The following CDH18 variants were observed in gnomAD, a reference collection of about 807,000 sequenced individuals.
CDH18 encodes the protein cadherin 18, also known as cadherin-18.
In CDH18, 31 loss-of-function variants were observed where a neutral mutation model predicts 67.9. The ratio of observed to expected loss-of-function variants is 0.46; its 90% CI spans 0.34 to 0.62. CDH18 has a LOEUF of 0.62. Among genes scored for constraint, CDH18 ranks in the 20% least tolerant of loss-of-function variants. The probability of loss-of-function intolerance (pLI) is 0.01; values close to 1 mark genes in which losing one functional copy is unlikely to be tolerated. For missense variants in CDH18, 890 were observed against 975.5 expected (o/e 0.91, Z 1.17); for synonymous variants, 362 against 347.2 (o/e 1.04, Z -0.48).
chr5:20,471,835 A>AAAAAAAAAAT (rs1752106312), intron 1 of CDH18, among the ~76,000 whole-genome samples: 1 of 143,680 alleles, frequency 7.0e-6, no homozygotes, highest in Non-Finnish European at 1.5e-5. Flanking sequence ...ATTCAGTCTA[A>AAAAAAAAAAT]AAAAAAAAAA....
intron 2 of CDH18, among the ~76,000 whole-genome samples, chr5:20,248,601 C>T (rs1323691911): frequency 6.6e-6 from 1 of 152,192 alleles, no homozygotes; most frequent in Non-Finnish European, 1.5e-5. Flanking sequence ...CTCAACAACT[C>T]TATCTAGAAA....
chr5:19,715,759 T>C lies in CDH18; in HGVS notation c.643+5588A>G, dbSNP rs146237185. On this transcript the variant is annotated intron_variant, in intron 5 of 12. Transcript: ENST00000382275. ...TTTTTTACTACTTCAGATAAGACTA[T>C]TTCAAATTCTCATAATCATTCAAAA... 3.2e-4 allele frequency among the ~76,000 whole-genome samples: 49 copies of C among 152,146 alleles called. No homozygotes were observed. In the East Asian group the frequency reaches 7.1e-3, roughly 22 times the overall value.
intron 1 of CDH18, among the ~76,000 whole-genome samples, chr5:20,516,502 G>T (rs1335724665): frequency 5.3e-5 from 8 of 151,768 alleles, no homozygotes; most frequent in Non-Finnish European, 1.0e-4. Context: ...CAAATGAGCT[G>T]GTTCTTATAT....
intron 9 of CDH18, among the ~76,000 whole-genome samples, chr5:19,536,117 T>C (rs1749372851): frequency 6.6e-6 from 1 of 152,152 alleles, no homozygotes; most frequent in Non-Finnish European, 1.5e-5. Context: ...CACTAAGTAT[T>C]TGACAATACT....
At chr5:20,039,526 C>T (rs894933594) in intron 2 of CDH18, among the ~76,000 whole-genome samples, 22 of 152,032 alleles carry the variant, frequency 1.4e-4, no homozygotes, top group Admixed American at 3.9e-4. Context: ...ACAACAGAGG[C>T]CTCAGAAATA....
At chr5:19,700,289 C>T (rs548843383) in intron 5 of CDH18, among the ~76,000 whole-genome samples, 1 of 152,242 alleles carries the variant, frequency 6.6e-6, no homozygotes, top group South Asian at 2.1e-4. Context: ...CATATCTAAA[C>T]AACTGAAATA....
At chr5:19,677,318 G>T (rs1759640062) in intron 5 of CDH18, among the ~76,000 whole-genome samples, 1 of 152,004 alleles carries the variant, frequency 6.6e-6, no homozygotes, top group Non-Finnish European at 1.5e-5. Flanking sequence ...AGCCTCATAA[G>T]CTAGGAAGAA....
intron 2 of CDH18, among the ~76,000 whole-genome samples, chr5:19,850,743 T>C (rs893453258): frequency 6.6e-6 from 1 of 151,920 alleles, no homozygotes; most frequent in Non-Finnish European, 1.5e-5. Context: ...TTTAAGGTGT[T>C]ACTAAATTTT....
intron 3 of CDH18, among the ~76,000 whole-genome samples, chr5:19,830,439 C>T (rs1780891499): frequency 6.6e-6 from 1 of 152,036 alleles, no homozygotes; most frequent in African/African-American, 2.4e-5. Flanking sequence ...TGAAAAAACA[C>T]ACAACATCAC....
At chr5:20,189,644 C>G (rs1738383612) in intron 2 of CDH18, among the ~76,000 whole-genome samples, 1 of 152,110 alleles carries the variant, frequency 6.6e-6, no homozygotes, top group Non-Finnish European at 1.5e-5. Context: ...GGTCAAAAAG[C>G]TAGCAGAGGC....
At chr5:19,762,022 G>A (rs973988439) in intron 3 of CDH18, among the ~76,000 whole-genome samples, 4 of 152,126 alleles carry the variant, frequency 2.6e-5, no homozygotes, top group African/African-American at 9.7e-5. Context: ...ATGGTGCTGG[G>A]AAAACTGTCT....
chr5:19,907,647 C>A (rs1579533586), intron 2 of CDH18, among the ~76,000 whole-genome samples: 1 of 151,982 alleles, frequency 6.6e-6, no homozygotes, highest in East Asian at 1.9e-4. Context: ...CCTCATAAGG[C>A]TAATGAAAAT....
intron 5 of CDH18, among the ~76,000 whole-genome samples, chr5:19,700,764 G>C (rs2150475285): frequency 6.6e-6 from 1 of 152,222 alleles, no homozygotes; most frequent in South Asian, 2.1e-4. Flanking sequence ...ATTCCCAGTA[G>C]AAAGGGCTTT....
intron 2 of CDH18, among the ~76,000 whole-genome samples, chr5:19,943,347 A>T (rs940696010): frequency 1.3e-5 from 2 of 152,102 alleles, no homozygotes; most frequent in African/African-American, 4.8e-5. Context: ...TAAGTAATTC[A>T]GTTCTCAAAG....
At chr5:19,575,150 T>A (rs944177196) in intron 7 of CDH18, among the ~76,000 whole-genome samples, 2 of 152,252 alleles carry the variant, frequency 1.3e-5, no homozygotes, top group Non-Finnish European at 2.9e-5. Flanking sequence ...CAGTTACATT[T>A]AAATTTAGGA....
intron 2 of CDH18, among the ~76,000 whole-genome samples, chr5:20,027,232 G>A (rs891251854): frequency 3.3e-5 from 5 of 152,048 alleles, no homozygotes; most frequent in Non-Finnish European, 5.9e-5. Flanking sequence ...TAAACTATGT[G>A]TTTGAATATA....
chr5:20,275,919 G>C (rs1745775963), intron 1 of CDH18, among the ~76,000 whole-genome samples: 1 of 152,100 alleles, frequency 6.6e-6, no homozygotes, highest in African/African-American at 2.4e-5. Context: ...CAGAACTCAT[G>C]GTTGCTCTAT....
chr5:20,185,743 C>A (rs1215858156), intron 2 of CDH18, among the ~76,000 whole-genome samples: 2 of 152,042 alleles, frequency 1.3e-5, no homozygotes, highest in African/African-American at 4.8e-5. Flanking sequence ...TACTTCTCTA[C>A]CTTATATGGC....
rs1351361955 is a variant in CDH18 at position 20,095,444 on chromosome 5, A to AAAGAAAGAAAAG, written c.-517-103431_-517-103430insCTTTTCTTTCTT. On this transcript the variant is annotated intron_variant, in intron 2 of 14. Transcript: ENST00000507958. ...GAAAGAAAGAAAGAAAGAAAGAAAGAAAAGAAAGAAAGAAAGAAGAAAGAA... is the reference window on the plus strand; with the variant it reads ...GAAAGAAAGAAAGAAAGAAAGAAAGAAAGAAAGAAAAGAAAGAAAGAAAGAAAGAAGAAAGAA... Among the ~76,000 whole-genome samples, 201 of 81,894 alleles carry AAAGAAAGAAAAG rather than the reference A, an allele frequency of 2.5e-3. 4 individuals are homozygous for AAAGAAAGAAAAG. Among genetic ancestry groups the AAAGAAAGAAAAG allele is most frequent in the African/African-American group, 8.1e-3 (177 of 21,728 alleles). The allele number at this position is 81,894 out of a possible 152,430, so 53.7% of individuals were successfully genotyped here.
Sources: allele counts gnomAD v4.1 joint callset (sites outside exome capture counted in the v4.1 genomes callset), GRCh38; gene constraint gnomAD v4.1.1; transcripts MANE v1.5; gene names NCBI Gene and HGNC (gene_info 2026-07-23, HGNC 2026-07-21).